FOXP1: variants seen among roughly 807,000 people sequenced by gnomAD.
FOXP1 encodes the protein forkhead box protein P1.
A neutral mutation model predicts 98.2 loss-of-function variants in FOXP1; 15 were observed. The observed-to-expected ratio is 0.15, with a 90% CI of 0.10 to 0.24. The LOEUF (loss-of-function observed/expected upper bound fraction) is 0.24. Ranked by LOEUF, FOXP1 falls within the 10% of genes least tolerant of loss-of-function variation. The probability of loss-of-function intolerance (pLI) is 1.00; values close to 1 mark genes in which losing one functional copy is unlikely to be tolerated. For missense variants in FOXP1, 633 were observed against 848.5 expected, an observed-to-expected ratio of 0.75 and a Z score of 3.15; for synonymous variants, 371 against 314.5, an observed-to-expected ratio of 1.18 and a Z score of -1.90.
At chr3:71,295,033 G>A (rs766308020) in intron 5 of FOXP1, among the ~76,000 whole-genome samples, 5 of 152,116 alleles carry the variant, frequency 3.3e-5, no homozygotes, top group Non-Finnish European at 7.4e-5. Flanking sequence ...TTTACGCTGG[G>A]GTCTCTTTGT....
At chr3:71,075,690 T>G (rs1231664330) in intron 7 of FOXP1, among the ~76,000 whole-genome samples, 1 of 149,222 alleles carries the variant, frequency 6.7e-6, no homozygotes, top group Non-Finnish European at 1.5e-5. Context: ...AACACTGAGC[T>G]CTCAAGGACC....
At chr3:71,362,589 C>T (rs1335754052) in intron 3 of FOXP1, among the ~76,000 whole-genome samples, 1 of 152,218 alleles carries the variant, frequency 6.6e-6, no homozygotes, top group Non-Finnish European at 1.5e-5. Context: ...CCCACCTCAG[C>T]CTCCCAAGTA....
At chr3:71,583,967 C>T, upstream of FOXP1, 2 of 981,152 alleles carry the variant, frequency 2.0e-6, no homozygotes, top group Non-Finnish European at 2.4e-6. Flanking sequence ...TGCCGTTCGC[C>T]GGGGCGCTGG....
At chr3:71,527,785 A>G (rs147664419) in intron 2 of FOXP1, among the ~76,000 whole-genome samples, 238 of 152,366 alleles carry the variant, frequency 1.6e-3, no homozygotes, top group African/African-American at 5.6e-3. Context: ...AAGGTTTCAA[A>G]ATGGGACGCC....
chr3:71,285,598 G>C (rs573771329), intron 5 of FOXP1, among the ~76,000 whole-genome samples: 3 of 152,216 alleles, frequency 2.0e-5, no homozygotes, highest in African/African-American at 7.2e-5. Context: ...ACATAGCTTA[G>C]AGAAGAGAAT....
intron 5 of FOXP1, among the ~76,000 whole-genome samples, chr3:71,208,546 G>GTGTGTGTGTC (rs1172409177): frequency 2.6e-5 from 4 of 152,058 alleles, no homozygotes; most frequent in African/African-American, 9.7e-5. Context: ...TTGTGTGTGT[G>GTGTGTGTGTC]TGTGTGTGTG....
intron 14 of FOXP1, among the ~76,000 whole-genome samples, chr3:70,980,424 C>T (rs973011106): frequency 2.0e-5 from 3 of 152,168 alleles, no homozygotes; most frequent in African/African-American, 7.2e-5. Context: ...AAACCACCTG[C>T]CACTGTGTGG....
intron 5 of FOXP1, among the ~76,000 whole-genome samples, chr3:71,268,343 T>C (rs553724696): frequency 1.3e-5 from 2 of 151,952 alleles, no homozygotes; most frequent in Admixed American, 1.3e-4. Flanking sequence ...ATCACAAGGA[T>C]AAAGTATTCC....
intron 7 of FOXP1, among the ~76,000 whole-genome samples, chr3:71,070,887 G>A (rs192188467): frequency 6.6e-6 from 1 of 152,258 alleles, no homozygotes; most frequent in African/African-American, 2.4e-5. Flanking sequence ...TCTTGACAGC[G>A]CTTTAGATGC....
At chr3:70,970,004 CAACATGTAAAAAGTTTGCTAGA>C (rs1402296892) in intron 19 of FOXP1, 1 of 152,334 alleles carries the variant, frequency 6.6e-6, no homozygotes, top group Non-Finnish European at 1.5e-5. Flanking sequence ...CTGAAATGTG[CAACATGTAAAAAGTTTGCTAGA>C]AGCTGGGCTG....
chr3:71,333,143 A>C (rs891822543), intron 4 of FOXP1: 5 of 152,348 alleles, frequency 3.3e-5, no homozygotes, highest in African/African-American at 1.2e-4. Context: ...CAACAGAATC[A>C]AAATCAAAAA....
chr3:71,176,072 C>T (rs1250275399), intron 6 of FOXP1, among the ~76,000 whole-genome samples: 1 of 152,170 alleles, frequency 6.6e-6, no homozygotes, highest in African/African-American at 2.4e-5. Context: ...TGAATAATTT[C>T]CTCAAGAAAC....
At position 71,321,900 on chromosome 3, in the gene FOXP1, G is replaced by T. The variant is rs570859738; in HGVS notation, c.-72-22020C>A. ...CTCCCAAAGTGCTGGGATTACAGGC[G>T]TGAGCCACTGTGCCCAGCCTCAATG... is the stretch of plus-strand genomic sequence containing the variant. On this transcript the variant is annotated intron_variant, in intron 4 of 20. Transcript: ENST00000649528. Among the ~76,000 whole-genome samples the T allele has an allele frequency of 5.9e-5, 9 of 152,296 alleles. No homozygotes were observed. The South Asian group carries it at 1.9e-3, about 32-fold the overall frequency.
At chr3:71,323,663 A>G (rs548676994) in intron 4 of FOXP1, among the ~76,000 whole-genome samples, 16 of 152,222 alleles carry the variant, frequency 1.1e-4, no homozygotes, top group Non-Finnish European at 4.4e-5. Context: ...TGGAAGAAAT[A>G]TTAGACTGAT....
chr3:70,973,716 T>C (rs1343937586), intron 17 of FOXP1, among the ~76,000 whole-genome samples: 3 of 152,026 alleles, frequency 2.0e-5, no homozygotes, highest in African/African-American at 4.8e-5. Context: ...TCAGAGTAAG[T>C]AGATGACTCA....
chr3:71,362,864 G>T (rs568962782), intron 3 of FOXP1, among the ~76,000 whole-genome samples: 1 of 152,294 alleles, frequency 6.6e-6, no homozygotes, highest in Non-Finnish European at 1.5e-5. Flanking sequence ...TCTTTGATTA[G>T]TCTATAATAT....
At chr3:71,130,666 G>C in intron 6 of FOXP1, 1 of 1,593,112 alleles carries the variant, frequency 6.3e-7, no homozygotes, top group East Asian at 2.2e-5. Flanking sequence ...CACTCGAAGA[G>C]AAAACACACT....
chr3:71,346,656 C>A (rs1042743342), intron 4 of FOXP1, among the ~76,000 whole-genome samples: 9 of 152,104 alleles, frequency 5.9e-5, no homozygotes, highest in Non-Finnish European at 1.0e-4. Context: ...TTTTCCATCT[C>A]AAGGGATGCT....
chr3:71,338,576 C>T (rs1168541057), intron 4 of FOXP1, among the ~76,000 whole-genome samples: 5 of 152,080 alleles, frequency 3.3e-5, no homozygotes, highest in African/African-American at 7.2e-5. Flanking sequence ...TACAGGGGCC[C>T]GCCACCATGC....
Sources: allele counts gnomAD v4.1 joint callset (sites outside exome capture counted in the v4.1 genomes callset), GRCh38; gene constraint gnomAD v4.1.1; transcripts MANE v1.5; gene names NCBI Gene and HGNC (gene_info 2026-07-23, HGNC 2026-07-21).